The following TLN2 variants were observed in gnomAD, a reference collection of about 807,000 sequenced individuals.
TLN2 encodes talin 2, also known as talin-2.
Under a neutral mutation model 294.7 loss-of-function variants are expected in TLN2, and 118 were observed. That is an observed-to-expected ratio of 0.40 (90% confidence interval 0.34 to 0.47). TLN2 has a LOEUF of 0.47. TLN2 is among the 20% of genes least tolerant of loss of function. The pLI is 0.84. For missense variants in TLN2, 3,083 were observed against 3,282.2 expected, an observed-to-expected ratio of 0.94 and a Z score of 1.48; for synonymous variants, 1,431 against 1,304.5, an observed-to-expected ratio of 1.10 and a Z score of -2.09.
At chr15:62,574,063 C>A (rs2044168754) in intron 1 of TLN2, among the ~76,000 whole-genome samples, 1 of 152,114 alleles carries the variant, frequency 6.6e-6, no homozygotes, top group Non-Finnish European at 1.5e-5. Flanking sequence ...GAAGTGACTG[C>A]CAGTGCAAGT....
At chr15:62,762,635 CA>C (rs1248728052) in intron 39 of TLN2, among the ~76,000 whole-genome samples, 182 bp downstream of exon 39, 1 of 152,178 alleles carries the variant, frequency 6.6e-6, no homozygotes, top group African/African-American at 2.4e-5. Context: ...TACCATATAC[CA>C]AATACTACTA....
Position 62,739,366 on chromosome 15 carries a change from C to G in TLN2, c.3706C>G (p.Pro1236Ala), listed in dbSNP as rs900930057. The G allele has an allele frequency of 1.2e-5, 19 of 1,613,730 alleles. No individual in the cohort carries two copies. The highest frequency in any genetic ancestry group is 1.6e-5 in the Non-Finnish European group (19 of 1,179,814). Residue 1236 changes from proline (P) to alanine (A), a missense_variant, in exon 31 of 59, where the codon CCT (proline) becomes GCT (alanine). Coordinates refer to ENST00000636159, the MANE Select transcript of TLN2 (RefSeq NM_015059.3). ...LVDSLPPSTK[P>A]FQEAQSELNQ... ...CCCACAGCTACCTCCAAGCACGAAG[C>G]CTTTCCAGGAAGCCCAGAGTGAACT...
intron 1 of TLN2, among the ~76,000 whole-genome samples, chr15:62,522,616 G>GT (rs1370987512): frequency 1.3e-5 from 2 of 152,016 alleles, no homozygotes; most frequent in Admixed American, 6.6e-5. Context: ...CCTTGTTGTT[G>GT]TTTTTTTAAA....
At chr15:62,700,582 C>A (rs2058652869) in intron 16 of TLN2, among the ~76,000 whole-genome samples, 1 of 152,142 alleles carries the variant, frequency 6.6e-6, no homozygotes, top group Non-Finnish European at 1.5e-5. Flanking sequence ...CTCATCTTAC[C>A]AGGAAAGGTC....
At chr15:62,838,658 T>TGACC (rs767500468) in intron 57 of TLN2, among the ~76,000 whole-genome samples, 198 bp from the exon 58 acceptor site, 19 of 152,322 alleles carry the variant, frequency 1.2e-4, no homozygotes, top group Admixed American at 4.6e-4. Flanking sequence ...CATCTGTGAG[T>TGACC]GACCAGGTAG....
Position 62,739,352 on chromosome 15 carries a change from C to T in TLN2, c.3692C>T (p.Pro1231Leu), listed in dbSNP as rs759160379. ...SSKKLLVDSL[P>L]PSTKPFQEAQ... ...TGTGCCGTCTGTTCCCCACAGCTACCTCCAAGCACGAAGCCTTTCCAGGAA... is the reference window on the plus strand; with the variant it reads ...TGTGCCGTCTGTTCCCCACAGCTACTTCCAAGCACGAAGCCTTTCCAGGAA... The change falls in exon 31 of 59, where the codon CCT becomes CTT. Residue 1231 changes from proline to leucine, a missense_variant. By Grantham distance (98) the Pro-to-Leu change is moderately conservative. Transcript: ENST00000636159. 1.9e-6 allele frequency: 3 copies of T among 1,612,874 alleles called. No individual in the cohort carries two copies. Among genetic ancestry groups the T allele is most frequent in the South Asian group, 1.1e-5 (1 of 90,886 alleles).
chr15:62,833,273 C>A, intron 54 of TLN2: 2 of 524,856 alleles, frequency 3.8e-6, no homozygotes, highest in Non-Finnish European at 6.7e-6. Context: ...GCCACATCTT[C>A]CACACTGTGA....
chr15:62,717,328 A>G (rs182596915), intron 23 of TLN2, among the ~76,000 whole-genome samples: 2 of 152,290 alleles, frequency 1.3e-5, no homozygotes, highest in East Asian at 3.9e-4. Context: ...TTTTTGAGAA[A>G]AACAAATGAA....
chr15:62,419,754 A>G (rs2034286352), intron 1 of TLN2, among the ~76,000 whole-genome samples: 1 of 151,698 alleles, frequency 6.6e-6, no homozygotes, highest in Non-Finnish European at 1.5e-5. Context: ...CTCCTGCGTC[A>G]TCCTCCTAAG....
At chr15:62,453,930 G>A (rs1370471551) in intron 1 of TLN2, among the ~76,000 whole-genome samples, 1 of 152,098 alleles carries the variant, frequency 6.6e-6, no homozygotes, top group African/African-American at 2.4e-5. Flanking sequence ...CCGGTGGGTA[G>A]GTGGATAAAA....
intron 58 of TLN2, 96 bp downstream of exon 58, chr15:62,839,077 T>G (rs2070241181): frequency 1.1e-5 from 16 of 1,476,666 alleles, no homozygotes; most frequent in Non-Finnish European, 1.5e-5. Context: ...GAAAGTTTAT[T>G]TCTTCCTCGT....
At chr15:62,617,040 A>T (rs1023828829) in intron 2 of TLN2, among the ~76,000 whole-genome samples, 1 of 152,080 alleles carries the variant, frequency 6.6e-6, no homozygotes, top group African/African-American at 2.4e-5. Flanking sequence ...CTGCCATGCA[A>T]TGCACATGTC....
intron 32 of TLN2, among the ~76,000 whole-genome samples, chr15:62,748,128 C>G (rs2061715196): frequency 6.6e-6 from 1 of 152,104 alleles, no homozygotes; most frequent in African/African-American, 2.4e-5. Flanking sequence ...AGGACCCCTT[C>G]CAGATCTAGC....
rs146729597 is a variant in TLN2 at position 62,761,728 on chromosome 15, C to T, written c.4686C>T (p.Ile1562=). ...AAGACAACCGCAATAAGTGTCGCAT[C>T]GCCACCGCACCCTTGATTGAAGCTG... ...FSEDNRNKCR[I]ATAPLIEAVE... The change falls in exon 38 of 59, where the codon ATC becomes ATT. Residue 1562 remains isoleucine (I), a synonymous_variant. Transcript: ENST00000636159. The T allele has an allele frequency of 3.8e-5, 61 of 1,614,030 alleles. No individual in the cohort carries two copies. In the African/African-American group the frequency reaches 5.3e-4, roughly 14 times the overall value.
chr15:62,736,822 A>C, intron 28 of TLN2, 56 bp from the exon 29 acceptor site: 4 of 1,581,696 alleles, frequency 2.5e-6, no homozygotes, highest in Non-Finnish European at 3.5e-6. Context: ...ATTCCTAAGT[A>C]AAATGTGCCA....
intron 42 of TLN2, among the ~76,000 whole-genome samples, chr15:62,774,157 A>C (rs1346679527): frequency 6.6e-6 from 1 of 152,100 alleles, no homozygotes; most frequent in Non-Finnish European, 1.5e-5. Context: ...CAAAGTTGAA[A>C]TCTGCTCCCC....
At chr15:62,831,614 C>T (rs2068855541) in intron 54 of TLN2, 1 of 152,008 alleles carries the variant, frequency 6.6e-6, no homozygotes, top group Admixed American at 6.6e-5. Context: ...TCCACCAGTC[C>T]AAAATGAGTC....
chr15:62,836,124 T>C, intron 57 of TLN2, 51 bp downstream of exon 57: 2 of 1,552,772 alleles, frequency 1.3e-6, no homozygotes, highest in Non-Finnish European at 1.7e-6. Context: ...AGCGGGTAAG[T>C]GTCACCAGAG....
At chr15:62,658,112 G>T (rs2053417776) in intron 9 of TLN2, 1 of 374,132 alleles carries the variant, frequency 2.7e-6, no homozygotes. Flanking sequence ...GAAATTCAGT[G>T]ATCTGTGTCC....
Sources: gnomAD v4.1 joint callset for allele counts (sites outside exome capture counted in the v4.1 genomes callset) on GRCh38, gnomAD v4.1.1 for gene constraint, MANE v1.5 for transcripts, NCBI Gene and HGNC (gene_info 2026-07-23, HGNC 2026-07-21) for gene names.